The following CDH13 variants were observed in gnomAD, a reference collection of about 807,000 sequenced individuals.
CDH13 encodes cadherin 13.
Under a neutral mutation model 63.8 loss-of-function variants are expected in CDH13, and 24 were observed. The ratio of observed to expected loss-of-function variants is 0.38; its 90% CI spans 0.27 to 0.53. The LOEUF is 0.53. Ranked by LOEUF, CDH13 falls within the 20% of genes least tolerant of loss-of-function variation. The pLI, the probability that CDH13 is intolerant of heterozygous loss-of-function variation, is 0.85. For synonymous variants in CDH13, 503 were observed against 355.3 expected (o/e 1.42, Z -4.67); for missense variants, 1,049 against 903.1 (o/e 1.16, Z -2.07).
At chr16:82,683,127 A>T (rs551124650) in intron 1 of CDH13, among the ~76,000 whole-genome samples, 169 of 152,338 alleles carry the variant, frequency 1.1e-3, no homozygotes, top group African/African-American at 3.9e-3. Flanking sequence ...CAGTGAAACA[A>T]TGCTCTGCAG....
rs1015424328 is a variant in CDH13, at chr16:82,901,328, G to C, written c.157+42855G>C. On this transcript the variant is annotated intron_variant, in intron 2 of 13. Transcript: ENST00000567109. ...AGTGGAATAGATAGTATTCTCCTGT[G>C]TGTGTGTGTGTGTGTGTGTGTGTGT... 1.4e-3 allele frequency among the ~76,000 whole-genome samples: 185 copies of C among 129,958 alleles called. 1 individual carries two copies. Among genetic ancestry groups the C allele is most frequent in the African/African-American group, 4.6e-3 (169 of 36,794 alleles). The allele number at this position is 129,958 out of a possible 152,430, so 85.3% of individuals were successfully genotyped here. A position where few individuals can be genotyped will look rare whatever the true frequency, so the allele number is the denominator to read the frequency against.
At chr16:83,568,869 C>A (rs960251747) in intron 7 of CDH13, among the ~76,000 whole-genome samples, 4 of 152,138 alleles carry the variant, frequency 2.6e-5, no homozygotes, top group Non-Finnish European at 4.4e-5. Flanking sequence ...CCAGCTCCTG[C>A]CTCTCTTTCC....
intron 1 of CDH13, among the ~76,000 whole-genome samples, chr16:82,809,109 A>G (rs1193900661): frequency 2.0e-5 from 3 of 152,024 alleles, no homozygotes; most frequent in Non-Finnish European, 4.4e-5. Flanking sequence ...TTTTTCTAAG[A>G]TCCTGCCAAA....
intron 1 of CDH13, among the ~76,000 whole-genome samples, chr16:82,635,375 G>T (rs532643075): frequency 2.6e-5 from 4 of 152,228 alleles, no homozygotes; most frequent in Non-Finnish European, 5.9e-5. Context: ...GGTGGGGAAA[G>T]GCATTCCAGG....
intron 5 of CDH13, among the ~76,000 whole-genome samples, chr16:83,235,748 T>G (rs1318910758): frequency 6.6e-6 from 1 of 152,180 alleles, no homozygotes. Context: ...GAAACACAAT[T>G]TTCAACTATA....
intron 1 of CDH13, chr16:82,826,380 A>G (rs1567574268): frequency 1.3e-5 from 2 of 152,182 alleles, no homozygotes; most frequent in East Asian, 3.8e-4. Flanking sequence ...TGAGTGCATG[A>G]AATGGTTGTG....
intron 5 of CDH13, among the ~76,000 whole-genome samples, chr16:83,337,437 G>A (rs2090622870): frequency 6.6e-6 from 1 of 152,002 alleles, no homozygotes; most frequent in South Asian, 2.1e-4. Context: ...GAAGATCAGG[G>A]CTAACAACCT....
At chr16:82,726,161 C>G (rs148895324) in intron 1 of CDH13, among the ~76,000 whole-genome samples, 1 of 152,122 alleles carries the variant, frequency 6.6e-6, no homozygotes, top group African/African-American at 2.4e-5. Flanking sequence ...TGTGCATGTG[C>G]GCACGGTAGG....
At chr16:83,281,829 C>T (rs1375692323) in intron 5 of CDH13, among the ~76,000 whole-genome samples, 1 of 151,966 alleles carries the variant, frequency 6.6e-6, no homozygotes, top group Admixed American at 6.6e-5. Context: ...AGGAGAATTG[C>T]TTGAACCCAA....
chr16:82,970,779 T>C (rs1279248312), intron 2 of CDH13, among the ~76,000 whole-genome samples: 1 of 152,200 alleles, frequency 6.6e-6, no homozygotes, highest in Non-Finnish European at 1.5e-5. Context: ...AAGTCCCCTC[T>C]ATTATTTCCC....
chr16:82,660,723 A>G (rs1911838939), intron 1 of CDH13, among the ~76,000 whole-genome samples: 1 of 152,158 alleles, frequency 6.6e-6, no homozygotes, highest in Non-Finnish European at 1.5e-5. Flanking sequence ...ACAGAAAGGG[A>G]GCAAAGAAAA....
chr16:83,368,616 A>G (rs1014188759), intron 6 of CDH13, among the ~76,000 whole-genome samples: 3 of 151,782 alleles, frequency 2.0e-5, no homozygotes, highest in African/African-American at 7.3e-5. Context: ...TGGTGTACCC[A>G]TCACCCGAGC....
At chr16:83,150,558 G>C (rs2036934541) in intron 4 of CDH13, among the ~76,000 whole-genome samples, 1 of 152,150 alleles carries the variant, frequency 6.6e-6, no homozygotes, top group Non-Finnish European at 1.5e-5. Flanking sequence ...CCTGTGTCTT[G>C]TTGATCCAGG....
chr16:83,443,722 A>T (rs1354189990), intron 6 of CDH13, among the ~76,000 whole-genome samples: 2 of 80,110 alleles, frequency 2.5e-5, no homozygotes, highest in African/African-American at 1.3e-4. Context: ...AAAAAAAAAA[A>T]AAAAAAAAAA....
intron 2 of CDH13, among the ~76,000 whole-genome samples, chr16:83,005,831 T>C (rs145944687): frequency 6.6e-6 from 1 of 152,360 alleles, no homozygotes; most frequent in East Asian, 1.9e-4. Flanking sequence ...GCAGAGGATT[T>C]AAGAGGCCTG....
At chr16:83,041,922 T>G (rs1403384377) in intron 3 of CDH13, among the ~76,000 whole-genome samples, 3 of 152,224 alleles carry the variant, frequency 2.0e-5, no homozygotes, top group African/African-American at 7.2e-5. Context: ...CAATTATTCT[T>G]AAGTGAAGTA....
chr16:83,228,019 T>C (rs1393351859), intron 5 of CDH13, among the ~76,000 whole-genome samples: 3 of 151,768 alleles, frequency 2.0e-5, no homozygotes, highest in Admixed American at 6.6e-5. Context: ...ATAAAAGATA[T>C]AGGGTGGTGG....
chr16:83,694,267 C>T (rs1202166486), intron 10 of CDH13, among the ~76,000 whole-genome samples: 1 of 152,216 alleles, frequency 6.6e-6, no homozygotes. Flanking sequence ...TTCACCCCCA[C>T]ATCACTCATG....
intron 6 of CDH13, 117 bp downstream of exon 6, chr16:83,345,123 G>A (rs2090812011): frequency 2.2e-5 from 25 of 1,162,782 alleles, no homozygotes; most frequent in South Asian, 5.2e-5. Context: ...TATCAGCGTC[G>A]ACTTAATACT....
Sources: allele counts gnomAD v4.1 joint callset (sites outside exome capture counted in the v4.1 genomes callset), GRCh38; gene constraint gnomAD v4.1.1; transcripts MANE v1.5; gene names NCBI Gene and HGNC (gene_info 2026-07-23, HGNC 2026-07-21).